SLC44A5: variants seen among roughly 807,000 people sequenced by gnomAD.
The protein encoded by SLC44A5 is solute carrier family 44 member 5.
A neutral mutation model predicts 101.8 loss-of-function variants in SLC44A5; 57 were observed. That is an observed-to-expected ratio of 0.56 (90% CI 0.45 to 0.70). The LOEUF (loss-of-function observed/expected upper bound fraction) is 0.70. SLC44A5 is among the 30% of genes least tolerant of loss of function. The pLI is 0.00. For synonymous variants in SLC44A5, 281 were observed against 290.9 expected, an observed-to-expected ratio of 0.97 and a Z score of 0.35; for missense variants, 737 against 853.1, an observed-to-expected ratio of 0.86 and a Z score of 1.70.
intron 1 of SLC44A5, chr1:75,581,949 G>C (rs1262516492): frequency 2.8e-6 from 1 of 352,998 alleles, no homozygotes; most frequent in Non-Finnish European, 5.2e-6. Context: ...CCTGCTGTGA[G>C]CCAGGTAAAC....
At chr1:75,715,933 G>T in the SLC44A5 span, among the ~76,000 whole-genome samples, 63 of 152,196 alleles carry the variant, frequency 4.1e-4, 1 homozygote, top group South Asian at 0.012. Flanking sequence ...TCAATATCTA[G>T]AATCTATAAG....
chr1:75,352,366 C>G (rs903290649), intron 3 of SLC44A5, among the ~76,000 whole-genome samples: 1 of 151,880 alleles, frequency 6.6e-6, no homozygotes, highest in African/African-American at 2.4e-5. Context: ...CCGCCAGTCC[C>G]CCAACAGGCC....
At chr1:75,487,849 G>A (rs1328704189) in intron 2 of SLC44A5, among the ~76,000 whole-genome samples, 1 of 152,178 alleles carries the variant, frequency 6.6e-6, no homozygotes, top group Non-Finnish European at 1.5e-5. Context: ...GTTAGGAACT[G>A]AGCTGCACAG....
chr1:75,223,067 C>G (rs1647122053), intron 13 of SLC44A5, among the ~76,000 whole-genome samples: 2 of 152,126 alleles, frequency 1.3e-5, no homozygotes, highest in South Asian at 4.1e-4. Flanking sequence ...ATTTATAAAT[C>G]TTGAATTGAA....
intron 2 of SLC44A5, among the ~76,000 whole-genome samples, chr1:75,480,222 T>C (rs1013447461): frequency 6.6e-6 from 1 of 152,206 alleles, no homozygotes; most frequent in Non-Finnish European, 1.5e-5. Context: ...CTAAAAACTC[T>C]CAGTAAATTA....
intron 1 of SLC44A5, among the ~76,000 whole-genome samples, chr1:75,553,674 T>G (rs1282513045): frequency 1.3e-5 from 2 of 152,160 alleles, no homozygotes; most frequent in African/African-American, 4.8e-5. Flanking sequence ...TGGCTGGATA[T>G]TCAGTCTTAC....
At chr1:75,677,947 T>G in the SLC44A5 span, 5 of 215,398 alleles carry the variant, frequency 2.3e-5, no homozygotes, top group Non-Finnish European at 3.8e-5. Flanking sequence ...TTGCCTCACT[T>G]GGGAAGTGCA....
chr1:75,586,918 A>G (rs1219097008), intron 1 of SLC44A5, among the ~76,000 whole-genome samples: 1 of 140,396 alleles, frequency 7.1e-6, no homozygotes, highest in African/African-American at 2.6e-5. Flanking sequence ...TTTTTTTTTT[A>G]AGTCTTATGA....
At chr1:75,698,869 G>GA in the SLC44A5 span, among the ~76,000 whole-genome samples, 1 of 152,194 alleles carries the variant, frequency 6.6e-6, no homozygotes, top group African/African-American at 2.4e-5. Flanking sequence ...GAAGCCTCAG[G>GA]AGCCAATGCT....
At chr1:75,615,978 A>C (rs1277521447), upstream of SLC44A5, 5 of 749,108 alleles carry the variant, frequency 6.7e-6, no homozygotes, top group Non-Finnish European at 8.2e-6. Context: ...CTCTCAGCTC[A>C]GCGAGCTCTT....
the SLC44A5 span, among the ~76,000 whole-genome samples, chr1:75,723,215 C>T: frequency 6.6e-6 from 1 of 152,174 alleles, no homozygotes. Flanking sequence ...TGTGTGCTCT[C>T]GTGGCAAGAC....
chr1:75,716,001 G>A, the SLC44A5 span, among the ~76,000 whole-genome samples: 1 of 152,048 alleles, frequency 6.6e-6, no homozygotes, highest in Non-Finnish European at 1.5e-5. Context: ...GTAAGCAAAA[G>A]ACATGAACAG....
At chr1:75,408,413 C>G (rs1274140877) in intron 2 of SLC44A5, among the ~76,000 whole-genome samples, 1 of 152,106 alleles carries the variant, frequency 6.6e-6, no homozygotes, top group Non-Finnish European at 1.5e-5. Flanking sequence ...CACATGCACA[C>G]ATATGTTTAT....
the SLC44A5 span, among the ~76,000 whole-genome samples, chr1:75,649,271 T>C: frequency 6.6e-6 from 1 of 152,154 alleles, no homozygotes; most frequent in African/African-American, 2.4e-5. Context: ...GAAACACAAA[T>C]AGGTGTACTG....
the SLC44A5 span, among the ~76,000 whole-genome samples, chr1:75,678,758 C>T: frequency 7.5e-4 from 114 of 152,054 alleles, no homozygotes; most frequent in African/African-American, 2.5e-3. Flanking sequence ...CAAAGCTGCA[C>T]GGAGAATGAC....
chr1:75,304,170 C>T (rs1161311320), intron 4 of SLC44A5, among the ~76,000 whole-genome samples: 1 of 152,014 alleles, frequency 6.6e-6, no homozygotes, highest in African/African-American at 2.4e-5. Context: ...TCTTACTTAA[C>T]CAGAGAAGGT....
At chr1:75,563,305 A>G (rs933000980) in intron 1 of SLC44A5, among the ~76,000 whole-genome samples, 15 of 151,884 alleles carry the variant, frequency 9.9e-5, no homozygotes, top group African/African-American at 3.4e-4. Flanking sequence ...AACACTGAAG[A>G]AAAGTATCAG....
At chr1:75,483,220 A>G (rs1667969762) in intron 2 of SLC44A5, among the ~76,000 whole-genome samples, 1 of 152,220 alleles carries the variant, frequency 6.6e-6, no homozygotes, top group Non-Finnish European at 1.5e-5. Context: ...ATGGAGATTA[A>G]TCAATCTGAA....
chr1:75,525,357 T>C (rs971723354), intron 2 of SLC44A5, among the ~76,000 whole-genome samples: 1 of 152,196 alleles, frequency 6.6e-6, no homozygotes, highest in Admixed American at 6.5e-5. Flanking sequence ...ATATCACTTA[T>C]GGAATATCCT....
Sources: gnomAD v4.1 joint callset for allele counts (sites outside exome capture counted in the v4.1 genomes callset) on GRCh38, gnomAD v4.1.1 for gene constraint, MANE v1.5 for transcripts, NCBI Gene and HGNC (gene_info 2026-07-23, HGNC 2026-07-21) for gene names.